Variants in RASGEF1C observed in about 807,000 individuals in gnomAD.
RASGEF1C encodes the protein ras-GEF domain-containing family member 1C.
RASGEF1C carries 27 observed loss-of-function variants against 58.1 expected under a neutral mutation model. That is an observed-to-expected ratio of 0.46 (90% CI 0.34 to 0.64). The LOEUF is 0.64. Ranked by LOEUF, RASGEF1C falls within the 30% of genes least tolerant of loss-of-function variation. The pLI is 0.01. For missense variants in RASGEF1C, 502 were observed against 605.1 expected (o/e 0.83, Z 1.79); for synonymous variants, 243 against 246.3 (o/e 0.99, Z 0.13).
At chr5:180,184,250 A>G (rs746892111) in intron 1 of RASGEF1C, among the ~76,000 whole-genome samples, 2 of 152,134 alleles carry the variant, frequency 1.3e-5, no homozygotes, top group Non-Finnish European at 2.9e-5. Context: ...AATCACATTA[A>G]ATGTAAATGT....
In RASGEF1C at chr5:180,168,207, G is replaced by A. The variant is rs1767049852; in HGVS notation, c.-6-30149C>T. On this transcript the variant is annotated intron_variant, in intron 1 of 13. Coordinates refer to ENST00000361132, the MANE Select transcript of RASGEF1C (RefSeq NM_175062.4). The surrounding 1 kb of genome is among the most constrained non-coding windows in gnomAD (Gnocchi z 6.0). ...GCACTTTGGGAGGCTGAGGTGGGCA[G>A]ATCACCTGAGGTCAGGAGTTCGAGA... 6.6e-6 allele frequency among the ~76,000 whole-genome samples: 1 copy of A among 152,206 alleles called. No individual in the cohort carries two copies. The highest frequency in any genetic ancestry group is 1.5e-5 in the Non-Finnish European group (1 of 68,040).
At chr5:180,200,987 A>C (rs1756385041) in intron 1 of RASGEF1C, among the ~76,000 whole-genome samples, 1 of 152,076 alleles carries the variant, frequency 6.6e-6, no homozygotes, top group Non-Finnish European at 1.5e-5. Context: ...GGTCTCAGCT[A>C]CTCGGGAGGC....
intron 6 of RASGEF1C, among the ~76,000 whole-genome samples, chr5:180,124,831 C>T (rs533346822): frequency 6.6e-6 from 1 of 152,072 alleles, no homozygotes; most frequent in East Asian, 1.9e-4. Flanking sequence ...TCTCAAACAA[C>T]AACAGCAATA....
rs1451846279 is a variant in RASGEF1C at position 180,177,390 on chromosome 5, C to T, written c.-7+31638G>A. On this transcript the variant is annotated intron_variant, in intron 1 of 13. Coordinates refer to ENST00000361132, the MANE Select transcript of RASGEF1C (RefSeq NM_175062.4). This position sits in a 1 kb window ranked among gnomAD's most constrained non-coding sequence, Gnocchi z 5.0. Reference sequence around the variant, plus strand: ...TTTAACCTTCCTTAGTCCCAGCAGCCCCAGCAAAAGCTCTTCGGTGAGTGC... The same window carrying T: ...TTTAACCTTCCTTAGTCCCAGCAGCTCCAGCAAAAGCTCTTCGGTGAGTGC... 6.6e-6 allele frequency among the ~76,000 whole-genome samples: 1 copy of T among 152,212 alleles called. No individual in the cohort carries two copies. The highest frequency in any genetic ancestry group is 1.5e-5 in the Non-Finnish European group (1 of 68,038).
Position 180,126,275 on chromosome 5 carries a change from T to C in RASGEF1C, c.714+1334A>G, listed in dbSNP as rs562785439. 2.9e-3 allele frequency among the ~76,000 whole-genome samples: 444 copies of C among 152,086 alleles called. 2 individuals carry two copies. Among genetic ancestry groups the C allele is most frequent in the African/African-American group, 7.7e-3 (318 of 41,468 alleles). Reference sequence around the variant, plus strand: ...ACAAAAAATTAGCCGGGTGTTGTGGTGGGCGCCTGTAGTCCCAGCTATTGG... The same window carrying C: ...ACAAAAAATTAGCCGGGTGTTGTGGCGGGCGCCTGTAGTCCCAGCTATTGG... On this transcript the variant is annotated intron_variant, in intron 6 of 13. Transcript: ENST00000361132.
chr5:180,137,039 C>G lies in RASGEF1C; in HGVS notation c.301-524G>C, dbSNP rs1352626424. 6.6e-6 allele frequency among the ~76,000 whole-genome samples: 1 copy of G among 152,178 alleles called. No homozygotes were observed. The highest frequency in any genetic ancestry group is 1.9e-4 in the East Asian group (1 of 5,170). On this transcript the variant is annotated intron_variant, in intron 3 of 13. Transcript: ENST00000361132. The surrounding 1 kb of genome is among the most constrained non-coding windows in gnomAD (Gnocchi z 4.1). ...CCACACCAGCCAGCCCGAGGGAGGC[C>G]AGCCCCGGGAAGCGGCAGCAGAGGG...
At chr5:180,131,346 T>G (rs1057183003) in intron 4 of RASGEF1C, among the ~76,000 whole-genome samples, 17 of 152,114 alleles carry the variant, frequency 1.1e-4, no homozygotes, top group African/African-American at 4.1e-4. Flanking sequence ...TCCGCCCCTT[T>G]GACTCCTTCC....
Position 180,168,109 on chromosome 5 carries a change from A to C in RASGEF1C, c.-6-30051T>G, listed in dbSNP as rs1027992549. Among the ~76,000 whole-genome samples the C allele has an allele frequency of 4.6e-5, 7 of 152,184 alleles. No individual in the cohort carries two copies. Among genetic ancestry groups the C allele is most frequent in the Admixed American group, 3.9e-4 (6 of 15,274 alleles). On this transcript the variant is annotated intron_variant, in intron 1 of 13. Transcript: ENST00000361132. The surrounding 1 kb of genome is among the most constrained non-coding windows in gnomAD (Gnocchi z 6.0). Reference sequence around the variant, plus strand: ...GCCCAGGAATTAATAAACAACTCTCAAAAACAAAACAAAACAAAAACAAAA... The same window carrying C: ...GCCCAGGAATTAATAAACAACTCTCCAAAACAAAACAAAACAAAAACAAAA...
intron 1 of RASGEF1C, among the ~76,000 whole-genome samples, chr5:180,178,929 A>C (rs1336118508): frequency 6.6e-6 from 1 of 152,126 alleles, no homozygotes; most frequent in Non-Finnish European, 1.5e-5. Context: ...GCAGGTGCCA[A>C]GGAGCGGAGT....
intron 10 of RASGEF1C, 45 bp downstream of exon 10, chr5:180,118,564 G>A (rs1291011083): frequency 3.9e-6 from 6 of 1,524,232 alleles, no homozygotes; most frequent in African/African-American, 2.8e-5. Flanking sequence ...CCAGCACCCA[G>A]GTTCCCTGCT....
At chr5:180,107,900 G>A (rs1765896427) in intron 12 of RASGEF1C, among the ~76,000 whole-genome samples, 1 of 152,188 alleles carries the variant, frequency 6.6e-6, no homozygotes, top group African/African-American at 2.4e-5. Flanking sequence ...GAGATTACAG[G>A]TATGAGCCAC....
chr5:180,153,189 G>A (rs1184653428), intron 1 of RASGEF1C, among the ~76,000 whole-genome samples: 3 of 152,160 alleles, frequency 2.0e-5, no homozygotes, highest in African/African-American at 7.2e-5. Flanking sequence ...TTCACCAAGT[G>A]GAGATTATAC....
In RASGEF1C at chr5:180,114,456, AC is replaced by A. The variant is rs1766030244; in HGVS notation, c.1168del (p.Val390SerfsTer69). The A allele has an allele frequency of 6.2e-7, 1 of 1,612,538 alleles. No individual in the cohort carries two copies. Among genetic ancestry groups the A allele is most frequent in the African/African-American group, 1.3e-5 (1 of 75,012 alleles). ...GCANRLPNGHVNFEKFLELAK... is the reference protein window; with the variant it reads ...GCANRLPNGHXNFEKFLELAK... ...ACACGGAGGTCCTACCTCAAAGTTG[AC>A]GTGTCCATTGGGAAGGCGGTTGGCG... On this transcript the variant is annotated frameshift_variant, in exon 11 of 14. Coordinates refer to ENST00000361132, the MANE Select transcript of RASGEF1C (RefSeq NM_175062.4). LOFTEE classifies it high-confidence loss of function.
At chr5:180,112,738 C>T (rs933317532) in intron 11 of RASGEF1C, among the ~76,000 whole-genome samples, 5 of 152,262 alleles carry the variant, frequency 3.3e-5, no homozygotes, top group African/African-American at 7.2e-5. Context: ...CGCCGAGACA[C>T]GTGTGCTGGG....
intron 1 of RASGEF1C, among the ~76,000 whole-genome samples, chr5:180,149,769 GT>G (rs1237964982): frequency 2.6e-5 from 4 of 152,182 alleles, no homozygotes; most frequent in Admixed American, 2.0e-4. Context: ...CCCCTTTTAT[GT>G]GATGACTCAC....
chr5:180,139,554 G>T (rs774310226), intron 1 of RASGEF1C, among the ~76,000 whole-genome samples: 1 of 152,212 alleles, frequency 6.6e-6, no homozygotes, highest in Non-Finnish European at 1.5e-5. Flanking sequence ...CATGGGAAGG[G>T]CTCAGGCATT....
intron 1 of RASGEF1C, among the ~76,000 whole-genome samples, chr5:180,183,822 C>CAATAAATA (rs56828482): frequency 2.2e-3 from 332 of 149,538 alleles, no homozygotes; most frequent in East Asian, 8.0e-3. Flanking sequence ...AACTCCATCT[C>CAATAAATA]AATAAATAAA....
intron 1 of RASGEF1C, among the ~76,000 whole-genome samples, chr5:180,159,146 A>AT (rs200173451): frequency 0.44 from 64,419 of 146,646 alleles, 14,246 homozygotes; most frequent in Non-Finnish European, 0.48. Flanking sequence ...TTTTTAATTA[A>AT]TTTTTTTTTT....
intron 1 of RASGEF1C, among the ~76,000 whole-genome samples, chr5:180,172,612 G>C (rs562341775): frequency 1.3e-5 from 2 of 152,294 alleles, no homozygotes; most frequent in Admixed American, 1.3e-4. Context: ...CTGGCAAAGA[G>C]CCAGGTCTGT....
Sources: allele counts gnomAD v4.1 joint callset (sites outside exome capture counted in the v4.1 genomes callset), GRCh38; gene constraint gnomAD v4.1.1; non-coding constraint Gnocchi (gnomAD v3.1); transcripts MANE v1.5; gene names NCBI Gene and HGNC (gene_info 2026-07-23, HGNC 2026-07-21).